Variants in AGO3 observed in about 807,000 individuals in gnomAD.
AGO3 encodes argonaute RISC catalytic component 3.
AGO3 carries 16 observed loss-of-function variants against 105.5 expected under a neutral mutation model. The ratio of observed to expected loss-of-function variants is 0.15; its 90% CI spans 0.10 to 0.23. The LOEUF (loss-of-function observed/expected upper bound fraction) is 0.23, where lower values mean the gene tolerates loss of function less well. Among genes scored for constraint, AGO3 ranks in the 10% least tolerant of loss-of-function variants. The probability of loss-of-function intolerance (pLI) is 1.00; values close to 1 mark genes in which losing one functional copy is unlikely to be tolerated. For missense variants in AGO3, 534 were observed against 1,088.0 expected (o/e 0.49, Z 7.16); for synonymous variants, 340 against 367.3 (o/e 0.93, Z 0.85).
At chr1:35,939,192 C>T (rs576645576) in intron 1 of AGO3, among the ~76,000 whole-genome samples, 256 of 152,096 alleles carry the variant, frequency 1.7e-3, no homozygotes, top group South Asian at 9.1e-3. Flanking sequence ...TGCTAATTTA[C>T]ATTATTATGT....
At position 36,009,501 on chromosome 1, in the gene AGO3, A is replaced by C. The variant is rs904491914; in HGVS notation, c.1056A>C (p.Arg352=). ...LEVCNIVAGQ[R]CIKKLTDNQT... Reference sequence around the variant, plus strand: ...TCTGTAATATTGTGGCAGGGCAACGATGTATCAAGAAGCTAACAGACAATC... The same window carrying C: ...TCTGTAATATTGTGGCAGGGCAACGCTGTATCAAGAAGCTAACAGACAATC... Residue 352 remains arginine (R), a synonymous_variant, in exon 9 of 19, where the codon CGA becomes CGC. Coordinates refer to ENST00000373191, the MANE Select transcript of AGO3 (RefSeq NM_024852.4). 6.2e-7 allele frequency: 1 copy of C among 1,613,792 alleles called. No individual in the cohort carries two copies. Among genetic ancestry groups the C allele is most frequent in the African/African-American group, 1.3e-5 (1 of 74,940 alleles).
chr1:36,055,162 ACAGGTT>A lies in AGO3; in HGVS notation c.2474+19_2474+24del. ...ACATGACAGGTAATATAAAAGCATA[ACAGGTT>A]CTCACCCAAATCCCAATATTGTCTG... On this transcript the variant is annotated intron_variant, in intron 18 of 18. Transcript: ENST00000373191. The surrounding 1 kb of genome is among the most constrained non-coding windows in gnomAD (Gnocchi z 4.4). The A allele has an allele frequency of 6.4e-7, 1 of 1,567,400 alleles. No homozygotes were observed.
At chr1:35,943,268 A>G (rs1017262829) in intron 1 of AGO3, among the ~76,000 whole-genome samples, 1 of 149,488 alleles carries the variant, frequency 6.7e-6, no homozygotes, top group Admixed American at 6.7e-5. Context: ...TTGGCTTCCC[A>G]GAGTGTTGGG....
intron 12 of AGO3, among the ~76,000 whole-genome samples, chr1:36,030,144 A>C (rs1220430601): frequency 6.6e-6 from 1 of 152,200 alleles, no homozygotes; most frequent in Non-Finnish European, 1.5e-5. Context: ...AAAAGATTAT[A>C]AACTGAAATT....
At position 36,055,194 on chromosome 1, in the gene AGO3, C is replaced by T. The variant is rs115694107; in HGVS notation, c.2474+49C>T. 5.6e-3 allele frequency: 8,627 copies of T among 1,533,818 alleles called. 43 individuals are homozygous for T. The highest frequency in any genetic ancestry group is 6.9e-3 in the Non-Finnish European group (7,865 of 1,132,134). On this transcript the variant is annotated intron_variant, in intron 18 of 18. Coordinates refer to ENST00000373191, the MANE Select transcript of AGO3 (RefSeq NM_024852.4). The surrounding 1 kb of genome is among the most constrained non-coding windows in gnomAD (Gnocchi z 4.4). The stretch of plus-strand genomic sequence containing the variant: ...CTCACCCAAATCCCAATATTGTCTG[C>T]ATGGTAGGATTTTCAAGTTCCACAA...
intron 5 of AGO3, among the ~76,000 whole-genome samples, chr1:35,976,399 G>A (rs535890490): frequency 1.3e-5 from 2 of 151,904 alleles, no homozygotes; most frequent in East Asian, 1.9e-4. Context: ...TTTTTCAAGC[G>A]ATTTTATTGG....
chr1:35,981,992 A>T (rs973498774), intron 5 of AGO3, among the ~76,000 whole-genome samples: 6 of 152,236 alleles, frequency 3.9e-5, no homozygotes, highest in African/African-American at 1.4e-4. Flanking sequence ...CCCTAGTTTC[A>T]CTAAAGATAT....
At chr1:35,994,938 A>G (rs553880618) in intron 5 of AGO3, among the ~76,000 whole-genome samples, 1 of 152,130 alleles carries the variant, frequency 6.6e-6, no homozygotes, top group East Asian at 1.9e-4. Flanking sequence ...TACAATAGAA[A>G]TCCCATCAGG....
At chr1:36,043,931 C>G (rs1233298200) in intron 17 of AGO3, among the ~76,000 whole-genome samples, 1 of 152,094 alleles carries the variant, frequency 6.6e-6, no homozygotes, top group Non-Finnish European at 1.5e-5. Flanking sequence ...CTCTTGGGCT[C>G]AAGCAGTCCT....
chr1:36,039,136 T>C (rs1642138476), intron 14 of AGO3, among the ~76,000 whole-genome samples: 3 of 152,232 alleles, frequency 2.0e-5, no homozygotes, highest in Admixed American at 2.0e-4. Context: ...AAAATAGTTT[T>C]TTACCCTATA....
chr1:36,068,308 G>C lies in AGO3; in HGVS notation c.*12563G>C, dbSNP rs1018108981. 6 of 152,246 alleles carry C rather than the reference G, an allele frequency of 3.9e-5. No homozygotes were observed. Among genetic ancestry groups the C allele is most frequent in the Middle Eastern group, 6.8e-3 (2 of 294 alleles). The allele number at this position is 152,246 out of a possible 1,614,324, so 9.4% of individuals were successfully genotyped here. On this transcript the variant is annotated 3_prime_UTR_variant, in exon 19 of 19. Transcript: ENST00000373191. ...GCCATGGAATTTTTTGCTGGCTATA[G>C]AATGCTAATGTGAACAGAGTATATA...
intron 9 of AGO3, among the ~76,000 whole-genome samples, chr1:36,010,207 A>G (rs200839556): frequency 8.6e-5 from 13 of 151,958 alleles, no homozygotes; most frequent in South Asian, 6.2e-4. Context: ...CCAAAGTGCT[A>G]GGATTACAGG....
intron 5 of AGO3, among the ~76,000 whole-genome samples, chr1:35,976,885 A>T (rs1455195842): frequency 6.6e-6 from 1 of 152,182 alleles, no homozygotes; most frequent in Admixed American, 6.5e-5. Context: ...AAAAATTCAG[A>T]AGTTTTCCAT....
chr1:36,068,700 T>C lies in AGO3; in HGVS notation c.*12955T>C, dbSNP rs1051582455. 9.9e-5 allele frequency: 15 copies of C among 152,120 alleles called. No individual in the cohort carries two copies. Among genetic ancestry groups the C allele is most frequent in the Admixed American group, 8.5e-4 (13 of 15,284 alleles). 9.4% of individuals were successfully genotyped at this position (152,120 alleles called of 1,614,324 possible). A position where few individuals can be genotyped will look rare whatever the true frequency, so the allele number is the denominator to read the frequency against. ...TATGTAAAAAATTATATTGAATGAA[T>C]TAATACTTAACCTGTTCATTTCTCT... is the stretch of plus-strand genomic sequence containing the variant. On this transcript the variant is annotated 3_prime_UTR_variant, in exon 19 of 19. Transcript: ENST00000373191.
chr1:36,052,741 C>T (rs1466634518), intron 17 of AGO3, among the ~76,000 whole-genome samples: 1 of 151,976 alleles, frequency 6.6e-6, no homozygotes, highest in Non-Finnish European at 1.5e-5. Context: ...CTATATATAT[C>T]AGGCTCAGGC....
chr1:35,960,661 A>G (rs764437574), intron 2 of AGO3, among the ~76,000 whole-genome samples: 1 of 152,092 alleles, frequency 6.6e-6, no homozygotes, highest in Admixed American at 6.6e-5. Flanking sequence ...AATTCTAAAT[A>G]TATGAATTAA....
chr1:35,999,302 T>C (rs1639980109), intron 5 of AGO3, among the ~76,000 whole-genome samples: 1 of 152,090 alleles, frequency 6.6e-6, no homozygotes, highest in Non-Finnish European at 1.5e-5. Flanking sequence ...ATTACGCCAC[T>C]GCACTCCAGC....
chr1:36,026,446 A>C (rs1181036049), intron 11 of AGO3, among the ~76,000 whole-genome samples: 1 of 152,132 alleles, frequency 6.6e-6, no homozygotes, highest in African/African-American at 2.4e-5. Context: ...TTTTAAAAAA[A>C]TCCTCTGAGG....
In AGO3 at chr1:35,945,689, C is replaced by T. The variant is rs1282228575; in HGVS notation, c.20-3C>T. The T allele has an allele frequency of 6.2e-7, 1 of 1,609,298 alleles. No individual in the cohort carries two copies. On this transcript the variant is annotated splice_polypyrimidine_tract_variant and splice_region_variant and intron_variant, in intron 1 of 18. Transcript: ENST00000373191. ...CTCTTTTTTTTTCCCTTTCCCCTGG[C>T]AGGACCCGCTGGGGCCCAGCCCCTA...
Sources: gnomAD v4.1 joint callset for allele counts (sites outside exome capture counted in the v4.1 genomes callset) on GRCh38, gnomAD v4.1.1 for gene constraint, Gnocchi (gnomAD v3.1) non-coding constraint, MANE v1.5 for transcripts, NCBI Gene and HGNC (gene_info 2026-07-23, HGNC 2026-07-21) for gene names.